Variants in SNX25 observed in about 807,000 individuals in gnomAD.
SNX25 encodes sorting nexin 25.
SNX25 carries 62 observed loss-of-function variants against 113.7 expected under a neutral mutation model. The observed-to-expected ratio is 0.55, with a 90% CI of 0.44 to 0.67. The LOEUF (loss-of-function observed/expected upper bound fraction) is 0.67. Ranked by LOEUF, SNX25 falls within the 30% of genes least tolerant of loss-of-function variation. The pLI, the probability that SNX25 is intolerant of heterozygous loss-of-function variation, is 0.00. For synonymous variants in SNX25, 421 were observed against 436.2 expected, an observed-to-expected ratio of 0.97 and a Z score of 0.43; for missense variants, 1,014 against 1,161.0, an observed-to-expected ratio of 0.87 and a Z score of 1.84.
rs1326045338 is a variant in SNX25 at position 185,247,558 on chromosome 4, T to C, written c.514+180T>C. ...CATGTTTTGTTTGCATGTAAGGGATTTACACGTTTGTTGAGTAGGAATTTC... is the reference window on the plus strand; with the variant it reads ...CATGTTTTGTTTGCATGTAAGGGATCTACACGTTTGTTGAGTAGGAATTTC... On this transcript the variant is annotated intron_variant, in intron 2 of 18. Transcript: ENST00000652585. Among the ~76,000 whole-genome samples, 6 of 152,224 alleles carry C rather than the reference T, an allele frequency of 3.9e-5. No homozygotes were observed. In the South Asian group the frequency reaches 1.2e-3, roughly 31 times the overall value.
chr4:185,247,188 C>T, intron 1 of SNX25, 106 bp from the exon 2 acceptor site: 3 of 738,936 alleles, frequency 4.1e-6, no homozygotes, highest in East Asian at 5.5e-5. Flanking sequence ...TTCGTTAAGC[C>T]TTATCTTAAT....
chr4:185,362,864 CAG>C (rs1250307047), intron 18 of SNX25, among the ~76,000 whole-genome samples, 153 bp downstream of exon 18: 1 of 111,836 alleles, frequency 8.9e-6, no homozygotes, highest in Non-Finnish European at 1.7e-5. Flanking sequence ...TTTTTTGAGA[CAG>C]AGTTTCGCTC....
chr4:185,343,641 C>G (rs191859515), intron 12 of SNX25, among the ~76,000 whole-genome samples: 1 of 152,316 alleles, frequency 6.6e-6, no homozygotes, highest in East Asian at 1.9e-4. Context: ...TACTTTTCCT[C>G]AGGAATTGCC....
Position 185,289,203 on chromosome 4 carries a change from A to C in SNX25, c.1162+1121A>C, listed in dbSNP as rs142531739. 8.9e-3 allele frequency among the ~76,000 whole-genome samples: 1,356 copies of C among 152,368 alleles called. 18 individuals are homozygous for C. The highest frequency in any genetic ancestry group is 0.05 in the South Asian group (241 of 4,824). ...AGCACCTACTGAGTGATAATGATAC[A>C]GTAGTAAACAAAACCTCTGCATTCC... On this transcript the variant is annotated intron_variant, in intron 6 of 18. Transcript: ENST00000652585.
chr4:185,206,478 G>A (rs189035608), upstream of SNX25, among the ~76,000 whole-genome samples: 7 of 94,548 alleles, frequency 7.4e-5, no homozygotes, highest in East Asian at 3.0e-4. Flanking sequence ...AGACCAGCCC[G>A]ATGAACCCCA....
At chr4:185,371,528 C>G (rs939693953), downstream of SNX25, among the ~76,000 whole-genome samples, 4 of 117,306 alleles carry the variant, frequency 3.4e-5, no homozygotes, top group African/African-American at 1.0e-4. Flanking sequence ...GGCAACAGAG[C>G]GAGACTCCGT....
intron 5 of SNX25, among the ~76,000 whole-genome samples, chr4:185,284,961 A>G (rs1274156792): frequency 1.3e-5 from 2 of 152,188 alleles, no homozygotes; most frequent in Admixed American, 1.3e-4. Context: ...TGATGGTACT[A>G]GTAGAGAAAC....
At chr4:185,362,210 A>C in intron 17 of SNX25, 105 bp downstream of exon 17, 1 of 1,219,964 alleles carries the variant, frequency 8.2e-7, no homozygotes, top group Admixed American at 3.7e-5. Flanking sequence ...CTTTACAATG[A>C]AAAAAAAAAG....
chr4:185,367,303 C>CTT (rs138875428), downstream of SNX25: 946 of 1,100,278 alleles, frequency 8.6e-4, no homozygotes, highest in Non-Finnish European at 9.5e-4. Context: ...GGTCTTTCTT[C>CTT]TTTTTTTTTT....
At chr4:185,260,539 T>C (rs1747144804) in intron 3 of SNX25, among the ~76,000 whole-genome samples, 2 of 152,180 alleles carry the variant, frequency 1.3e-5, no homozygotes, top group Admixed American at 1.3e-4. Context: ...GAGCCAACAT[T>C]TGCCAGTTCA....
intron 12 of SNX25, among the ~76,000 whole-genome samples, chr4:185,342,380 T>A (rs2095264205): frequency 6.6e-6 from 1 of 152,216 alleles, no homozygotes. Context: ...CCTAGGTATC[T>A]CACAACTGGC....
At chr4:185,276,079 T>C (rs1219863255) in intron 5 of SNX25, among the ~76,000 whole-genome samples, 7 of 152,170 alleles carry the variant, frequency 4.6e-5, no homozygotes, top group African/African-American at 1.7e-4. Flanking sequence ...AGAAGGATAA[T>C]TATGTATTGG....
At chr4:185,261,114 CTGTGTG>C (rs369434936) in intron 3 of SNX25, among the ~76,000 whole-genome samples, 16,811 of 141,632 alleles carry the variant, frequency 0.12, 960 homozygotes, top group African/African-American at 0.14. Context: ...CTGTCTGTCT[CTGTGTG>C]TGTGTGTGTG....
chr4:185,262,846 A>G (rs778702819), intron 3 of SNX25, among the ~76,000 whole-genome samples: 1 of 152,236 alleles, frequency 6.6e-6, no homozygotes, highest in Non-Finnish European at 1.5e-5. Context: ...GCAAAGACTG[A>G]TGCTACAACC....
chr4:185,254,013 C>A (rs73027727), intron 2 of SNX25, among the ~76,000 whole-genome samples: 381 of 152,240 alleles, frequency 2.5e-3, no homozygotes, highest in African/African-American at 8.5e-3. Flanking sequence ...GTAAGGCAAA[C>A]TTTATGTGGT....
At position 185,209,970 on chromosome 4, in the gene SNX25, G is replaced by T; in HGVS notation, c.144G>T (p.Ala48=). The T allele has an allele frequency of 1.0e-6, 1 of 983,438 alleles. No individual in the cohort carries two copies. Among genetic ancestry groups the T allele is most frequent in the Non-Finnish European group, 1.2e-6 (1 of 829,080 alleles). 60.9% of individuals were successfully genotyped at this position (983,438 alleles called of 1,614,324 possible). ...PGDAEAAAAA[A]PGAPGGRSWW... ...ACGCGGAGGCAGCAGCAGCGGCGGC[G>T]CCGGGGGCCCCGGGCGGCCGGAGCT... The change falls in exon 1 of 19, where the codon GCG becomes GCT. Residue 48 remains alanine, a synonymous_variant. Transcript: ENST00000652585. This position sits in a 1 kb window ranked among gnomAD's most constrained non-coding sequence, Gnocchi z 5.2.
intron 2 of SNX25, 149 bp from the exon 3 acceptor site, chr4:185,258,699 C>T (rs1310836233): frequency 3.2e-6 from 2 of 634,546 alleles, no homozygotes; most frequent in Non-Finnish European, 5.3e-6. Context: ...TTTTAAAAGA[C>T]TTAGGAATTC....
chr4:185,344,637 A>C (rs1036649325), intron 12 of SNX25, among the ~76,000 whole-genome samples: 1 of 152,102 alleles, frequency 6.6e-6, no homozygotes, highest in East Asian at 1.9e-4. Flanking sequence ...CTTGAGATTA[A>C]GGAGGAAGGA....
intron 1 of SNX25, among the ~76,000 whole-genome samples, chr4:185,221,504 C>T (rs1273267644): frequency 6.6e-6 from 1 of 152,046 alleles, no homozygotes; most frequent in African/African-American, 2.4e-5. Context: ...TTCTTTCAGT[C>T]TTTCCTGCTT....
Sources: allele counts gnomAD v4.1 joint callset (sites outside exome capture counted in the v4.1 genomes callset), GRCh38; gene constraint gnomAD v4.1.1; non-coding constraint Gnocchi (gnomAD v3.1); transcripts MANE v1.5; gene names NCBI Gene and HGNC (gene_info 2026-07-23, HGNC 2026-07-21).